The following CALN1 variants were observed in gnomAD, a reference collection of about 807,000 sequenced individuals.
The protein encoded by CALN1 is calneuron 1, also known as calcium-binding protein 8.
A neutral mutation model predicts 30.6 loss-of-function variants in CALN1; 17 were observed. The observed-to-expected ratio is 0.56, with a 90% CI of 0.38 to 0.83. The LOEUF is 0.83. Among genes scored for constraint, CALN1 ranks in the 40% least tolerant of loss-of-function variants. CALN1 has a pLI of 0.00. For synonymous variants in CALN1, 156 were observed against 131.4 expected, an observed-to-expected ratio of 1.19 and a Z score of -1.28; for missense variants, 291 against 354.9, an observed-to-expected ratio of 0.82 and a Z score of 1.45.
At chr7:71,971,196 C>A (rs1230151073) in intron 5 of CALN1, among the ~76,000 whole-genome samples, 4 of 152,192 alleles carry the variant, frequency 2.6e-5, no homozygotes, top group Non-Finnish European at 5.9e-5. Context: ...TGCCTGTAAT[C>A]CCAGCGCTTT....
intron 2 of CALN1, among the ~76,000 whole-genome samples, chr7:72,370,926 T>A: frequency 6.6e-6 from 1 of 151,582 alleles, no homozygotes; most frequent in South Asian, 2.1e-4. Flanking sequence ...CATGTGCCTG[T>A]AATTCCAGCC....
At chr7:71,932,768 A>G (rs1282416303) in intron 5 of CALN1, among the ~76,000 whole-genome samples, 1 of 149,698 alleles carries the variant, frequency 6.7e-6, no homozygotes, top group Non-Finnish European at 1.5e-5. Context: ...GTGAGCCGAG[A>G]TCGCATCACT....
upstream of CALN1, among the ~76,000 whole-genome samples, chr7:72,414,136 G>C (rs951066863): frequency 1.3e-5 from 2 of 152,212 alleles, no homozygotes; most frequent in South Asian, 2.1e-4. Context: ...TCACTCATTG[G>C]AGGCAGACCG....
chr7:71,972,028 G>GAAAA (rs1326192987), intron 5 of CALN1, among the ~76,000 whole-genome samples: 264 of 145,944 alleles, frequency 1.8e-3, no homozygotes, highest in Non-Finnish European at 2.5e-3. Context: ...AAGAAAGAAA[G>GAAAA]AAAGAAAGAC....
At chr7:72,135,335 G>T (rs182446994) in intron 3 of CALN1, among the ~76,000 whole-genome samples, 1 of 152,170 alleles carries the variant, frequency 6.6e-6, no homozygotes, top group African/African-American at 2.4e-5. Context: ...GAATCACTAC[G>T]TATGGCAGCT....
upstream of CALN1, among the ~76,000 whole-genome samples, chr7:72,415,425 A>T (rs1458309754): frequency 1.3e-5 from 2 of 152,262 alleles, no homozygotes; most frequent in Admixed American, 1.3e-4. Context: ...GCCACGACTC[A>T]TCACCCATCC....
At chr7:71,875,974 A>C (rs1171189292) in intron 5 of CALN1, among the ~76,000 whole-genome samples, 1 of 152,132 alleles carries the variant, frequency 6.6e-6, no homozygotes, top group South Asian at 2.1e-4. Flanking sequence ...AGGAGACCTC[A>C]CCCCAACCTC....
intron 1 of CALN1, among the ~76,000 whole-genome samples, chr7:72,426,344 T>C (rs149124228): frequency 1.8e-4 from 27 of 152,312 alleles, no homozygotes; most frequent in African/African-American, 5.1e-4. Context: ...TAAGAGGTGA[T>C]TGGATCATGG....
At chr7:71,836,393 G>T (rs1187708555) in intron 5 of CALN1, among the ~76,000 whole-genome samples, 3 of 152,142 alleles carry the variant, frequency 2.0e-5, no homozygotes, top group African/African-American at 7.2e-5. Context: ...CAGGTCCAAT[G>T]AATAAAAGGG....
chr7:72,369,347 A>ATATATATAATTTATAAATATT (rs1562927651), intron 2 of CALN1, among the ~76,000 whole-genome samples: 872 of 44,906 alleles, frequency 0.019, 10 homozygotes, highest in African/African-American at 0.066. Context: ...AAATATTATA[A>ATATATATAATTTATAAATATT]ATATTTATTT....
chr7:72,251,737 C>T (rs1195685612), intron 3 of CALN1, among the ~76,000 whole-genome samples: 1 of 152,030 alleles, frequency 6.6e-6, no homozygotes, highest in Admixed American at 6.6e-5. Context: ...TAATAGATTA[C>T]GTGAATATGA....
At chr7:72,094,814 A>C (rs79234258) in intron 4 of CALN1, among the ~76,000 whole-genome samples, 148 of 152,304 alleles carry the variant, frequency 9.7e-4, no homozygotes, top group African/African-American at 3.4e-3. Flanking sequence ...AGAAACCTAA[A>C]GACTGTCTTC....
intron 1 of CALN1, among the ~76,000 whole-genome samples, chr7:72,428,585 T>C (rs962714924): frequency 1.3e-5 from 2 of 151,994 alleles, no homozygotes; most frequent in Non-Finnish European, 2.9e-5. Context: ...AGAGACAGGG[T>C]ATCACCATGT....
At chr7:72,260,645 A>T (rs1227231825) in intron 3 of CALN1, among the ~76,000 whole-genome samples, 4 of 152,128 alleles carry the variant, frequency 2.6e-5, no homozygotes, top group Admixed American at 2.0e-4. Context: ...TCAATCATGC[A>T]CCTGAAACCC....
In CALN1 at chr7:72,338,470, A is replaced by AGTGTGTGTGTGTGTGTGT. The variant is rs56695086; in HGVS notation, c.120-59678_120-59661dup. ...GGGCGTTTTTGTCAGCCAGCAGCAC[A>AGTGTGTGTGTGTGTGTGT]GTGTGTGTGTGTGTGTGTGTGTGTG... On this transcript the variant is annotated intron_variant, in intron 2 of 6. Coordinates refer to ENST00000395275, the MANE Select transcript of CALN1 (RefSeq NM_031468.4). Among the ~76,000 whole-genome samples, 462 of 74,750 alleles carry AGTGTGTGTGTGTGTGTGT rather than the reference A, an allele frequency of 6.2e-3. 29 individuals are homozygous for AGTGTGTGTGTGTGTGTGT. The highest frequency in any genetic ancestry group is 0.014 in the Middle Eastern group (2 of 140). 49.0% of individuals were successfully genotyped at this position (74,750 alleles called of 152,430 possible).
intron 5 of CALN1, among the ~76,000 whole-genome samples, chr7:71,821,793 T>C (rs1290621290): frequency 6.6e-6 from 1 of 151,310 alleles, no homozygotes; most frequent in Non-Finnish European, 1.5e-5. Flanking sequence ...TCTTTCTTTT[T>C]TTTTTTTTTT....
chr7:72,058,444 A>C (rs532586435), intron 4 of CALN1, among the ~76,000 whole-genome samples: 5 of 149,938 alleles, frequency 3.3e-5, no homozygotes, highest in African/African-American at 1.2e-4. Flanking sequence ...CAGCCTCCCA[A>C]GTAGCTGGGA....
intron 3 of CALN1, among the ~76,000 whole-genome samples, chr7:72,250,800 C>G (rs142137625): frequency 1.3e-5 from 2 of 152,150 alleles, no homozygotes; most frequent in African/African-American, 4.8e-5. Flanking sequence ...AGAAGTCCAG[C>G]AGATGCAGGC....
intron 3 of CALN1, among the ~76,000 whole-genome samples, chr7:72,241,949 C>A (rs947720665): frequency 6.6e-6 from 1 of 152,104 alleles, no homozygotes; most frequent in African/African-American, 2.4e-5. Context: ...CATTATTGGG[C>A]AACCACCACC....
Sources: gnomAD v4.1 joint callset for allele counts (sites outside exome capture counted in the v4.1 genomes callset) on GRCh38, gnomAD v4.1.1 for gene constraint, MANE v1.5 for transcripts, NCBI Gene and HGNC (gene_info 2026-07-23, HGNC 2026-07-21) for gene names.